Variants in POLR2M observed in about 807,000 individuals in gnomAD.
The protein encoded by POLR2M is protein GRINL1A.
POLR2M carries 30 observed loss-of-function variants against 34.6 expected under a neutral mutation model. The observed-to-expected ratio is 0.87, with a 90% CI of 0.65 to 1.18. The LOEUF is 1.18. POLR2M is among the 50% of genes most tolerant of loss of function. The pLI, the probability that POLR2M is intolerant of heterozygous loss-of-function variation, is 0.00. For missense variants in POLR2M, 432 were observed against 448.7 expected (o/e 0.96, Z 0.34); for synonymous variants, 150 against 166.7 (o/e 0.90, Z 0.77).
chr15:57,707,600 C>A (rs1157863356), intron 1 of POLR2M: 1 of 450,358 alleles, frequency 2.2e-6, no homozygotes, highest in Non-Finnish European at 4.5e-6. Flanking sequence ...ATTGGGAGAA[C>A]TTTTAAGCAT....
At chr15:57,714,058 A>C (rs1414302600) in intron 3 of POLR2M, among the ~76,000 whole-genome samples, 2 of 151,912 alleles carry the variant, frequency 1.3e-5, no homozygotes, top group African/African-American at 2.4e-5. Context: ...CGTGTTAGCC[A>C]GGATGGTCTC....
chr15:57,709,420 A>G, intron 2 of POLR2M, 62 bp downstream of exon 2: 2 of 1,538,394 alleles, frequency 1.3e-6, no homozygotes, highest in East Asian at 2.3e-5. Context: ...TCAAAAATTT[A>G]CGAGAAACTG....
Position 57,714,889 on chromosome 15 carries a change from G to A in POLR2M, c.*210G>A. 1 of 765,294 alleles carries A rather than the reference G, an allele frequency of 1.3e-6. No individual in the cohort carries two copies. Among genetic ancestry groups the A allele is most frequent in the South Asian group, 2.2e-5 (1 of 46,406 alleles). The allele number at this position is 765,294 out of a possible 1,614,324, so 47.4% of individuals were successfully genotyped here. On this transcript the variant is annotated 3_prime_UTR_variant, in exon 4 of 4. Transcript: ENST00000299638. ...ATTTGAATATTGTGTTTAACCACAT[G>A]GTATTAAAATTTTGCAATATATTGT...
At chr15:57,711,023 A>T (rs1246100307) in intron 2 of POLR2M, among the ~76,000 whole-genome samples, 1 of 152,180 alleles carries the variant, frequency 6.6e-6, no homozygotes, top group Admixed American at 6.5e-5. Context: ...ATAGCCAATT[A>T]ACCATGAAAC....
Position 57,717,535 on chromosome 15 carries a change from T to C in POLR2M, c.*2856T>C, listed in dbSNP as rs1262287358. 7 of 152,254 alleles carry C rather than the reference T, an allele frequency of 4.6e-5. No individual in the cohort carries two copies. Among genetic ancestry groups the C allele is most frequent in the African/African-American group, 1.7e-4 (7 of 41,466 alleles). 9.4% of individuals were successfully genotyped at this position (152,254 alleles called of 1,614,324 possible). ...TTACATTTTGCTCACTTTTGACTTATATAAAAATAGAATAATACTATATGT... is the reference window on the plus strand; with the variant it reads ...TTACATTTTGCTCACTTTTGACTTACATAAAAATAGAATAATACTATATGT... On this transcript the variant is annotated 3_prime_UTR_variant, in exon 4 of 4. Coordinates refer to ENST00000299638, the MANE Select transcript of POLR2M (RefSeq NM_015532.5).
In POLR2M at chr15:57,706,732, C is replaced by A. The variant is rs756065504; in HGVS notation, c.-111C>A. ...AGACCCCGTTCTTCCGGGAAAATGG[C>A]GACTCCCGCTCGTGCCCCGGAGTCA... On this transcript the variant is annotated 5_prime_UTR_variant, in exon 1 of 4. Transcript: ENST00000299638. The A allele has an allele frequency of 8.1e-7, 1 of 1,227,234 alleles. No homozygotes were observed. Among genetic ancestry groups the A allele is most frequent in the South Asian group, 1.5e-5 (1 of 66,634 alleles). The allele number at this position is 1,227,234 out of a possible 1,614,324, so 76.0% of individuals were successfully genotyped here. A position where few individuals can be genotyped will look rare whatever the true frequency, so the allele number is the denominator to read the frequency against.
intron 2 of POLR2M, among the ~76,000 whole-genome samples, chr15:57,709,699 A>G (rs1356825359): frequency 6.6e-6 from 1 of 152,226 alleles, no homozygotes; most frequent in African/African-American, 2.4e-5. Flanking sequence ...AATAATCGAC[A>G]AGGTCTTTTA....
rs1414110908 is a variant in POLR2M, at chr15:57,709,061, C to T, written c.461C>T (p.Pro154Leu). The part of the protein sequence containing the change: ...SEVEYTVNKG[P>L]ASSNRDRVPP... ...GTTGAGTACACAGTGAATAAGGGCC[C>T]AGCTTCCAGCAATAGAGACAGGGTA... The change falls in exon 2 of 4, where the codon CCA (proline) becomes CTA (leucine). Residue 154 changes from proline (P) to leucine (L), a missense_variant. Physicochemically the swap from Pro to Leu is moderately conservative, Grantham distance 98. Coordinates refer to ENST00000299638, the MANE Select transcript of POLR2M (RefSeq NM_015532.5). 6 of 1,614,134 alleles carry T rather than the reference C, an allele frequency of 3.7e-6. No homozygotes were observed. Among genetic ancestry groups the T allele is most frequent in the Non-Finnish European group, 5.1e-6 (6 of 1,180,016 alleles).
chr15:57,712,197 A>C lies in POLR2M; in HGVS notation c.963+9A>C. ...AGAAACAGAATTATGAGGTATTTAG[A>C]GTATTTTTTTTCTTGTCTGTTTGTT... is the stretch of plus-strand genomic sequence containing the variant. On this transcript the variant is annotated intron_variant, in intron 3 of 3. Coordinates refer to ENST00000299638, the MANE Select transcript of POLR2M (RefSeq NM_015532.5). 1 of 1,613,602 alleles carries C rather than the reference A, an allele frequency of 6.2e-7. No individual in the cohort carries two copies. The highest frequency in any genetic ancestry group is 2.2e-5 in the East Asian group (1 of 44,874).
intron 2 of POLR2M, among the ~76,000 whole-genome samples, chr15:57,710,247 G>A (rs1297774708): frequency 6.6e-6 from 1 of 152,198 alleles, no homozygotes; most frequent in Non-Finnish European, 1.5e-5. Flanking sequence ...TCAGTTCCTT[G>A]CCATAAATTT....
chr15:57,713,886 G>GGC (rs2040841001), intron 3 of POLR2M, among the ~76,000 whole-genome samples: 1 of 114,780 alleles, frequency 8.7e-6, no homozygotes, highest in African/African-American at 3.3e-5. Flanking sequence ...CTGTCACCCA[G>GGC]GCTGGAGTTC....
intron 3 of POLR2M, among the ~76,000 whole-genome samples, chr15:57,713,208 A>AAAC (rs10689720): frequency 6.7e-6 from 1 of 150,080 alleles, no homozygotes; most frequent in Non-Finnish European, 1.5e-5. Flanking sequence ...AAAAAAAAAA[A>AAAC]CAACAAAACA....
chr15:57,716,055 G>A lies in POLR2M; in HGVS notation c.*1376G>A, dbSNP rs186497213. 193 of 152,406 alleles carry A rather than the reference G, an allele frequency of 1.3e-3. No individual in the cohort carries two copies. The highest frequency in any genetic ancestry group is 4.3e-3 in the African/African-American group (179 of 41,580). The allele number at this position is 152,406 out of a possible 1,614,324, so 9.4% of individuals were successfully genotyped here. ...CTGGATGATATGGAAGAGTTCATGT[G>A]CCTGGACACACAGTTCCCTGTAATC... On this transcript the variant is annotated 3_prime_UTR_variant, in exon 4 of 4. Transcript: ENST00000299638.
At chr15:57,713,183 G>GT (rs1235734956) in intron 3 of POLR2M, among the ~76,000 whole-genome samples, 1 of 125,836 alleles carries the variant, frequency 7.9e-6, no homozygotes, top group Non-Finnish European at 1.7e-5. Flanking sequence ...GGGTGACAGA[G>GT]TGAGACCCTG....
chr15:57,710,313 G>A (rs2040658368), intron 2 of POLR2M, among the ~76,000 whole-genome samples: 1 of 152,192 alleles, frequency 6.6e-6, no homozygotes, highest in Admixed American at 6.5e-5. Flanking sequence ...CTATTTACTT[G>A]CAGCAAATGT....
Position 57,717,108 on chromosome 15 carries a change from T to G in POLR2M, c.*2429T>G, listed in dbSNP as rs1358141935. ...ATTGGTTCAGTATGTGAAACCACCA[T>G]TTCCCCTCTGATTAGTAATGCTATT... On this transcript the variant is annotated 3_prime_UTR_variant, in exon 4 of 4. Transcript: ENST00000299638. 1.3e-5 allele frequency: 2 copies of G among 152,220 alleles called. No homozygotes were observed. Among genetic ancestry groups the G allele is most frequent in the East Asian group, 3.8e-4 (2 of 5,200 alleles). The allele number at this position is 152,220 out of a possible 1,614,324, so 9.4% of individuals were successfully genotyped here. A position where few individuals can be genotyped will look rare whatever the true frequency, so the allele number is the denominator to read the frequency against.
intron 2 of POLR2M, among the ~76,000 whole-genome samples, chr15:57,711,571 A>G (rs1744236502): frequency 6.6e-6 from 1 of 152,180 alleles, no homozygotes; most frequent in South Asian, 2.1e-4. Flanking sequence ...AGCTTTTTTG[A>G]AACTTTTCTT....
chr15:57,713,610 G>C (rs997567094), intron 3 of POLR2M, among the ~76,000 whole-genome samples: 3 of 152,088 alleles, frequency 2.0e-5, no homozygotes, highest in Admixed American at 2.0e-4. Context: ...GAGTTTTTAA[G>C]TACATTGCCA....
intron 2 of POLR2M, among the ~76,000 whole-genome samples, chr15:57,710,075 T>C (rs1248758852): frequency 3.3e-5 from 5 of 152,214 alleles, no homozygotes; most frequent in Non-Finnish European, 7.3e-5. Context: ...TACAATACCA[T>C]GTTCTTCAAG....
Sources: gnomAD v4.1 joint callset for allele counts (sites outside exome capture counted in the v4.1 genomes callset) on GRCh38, gnomAD v4.1.1 for gene constraint, MANE v1.5 for transcripts, NCBI Gene and HGNC (gene_info 2026-07-23, HGNC 2026-07-21) for gene names.